DCAF10: variants seen among roughly 807,000 people sequenced by gnomAD.
DCAF10 encodes the protein DDB1 and CUL4 associated factor 10.
DCAF10 carries 19 observed loss-of-function variants against 51.9 expected under a neutral mutation model. That is an observed-to-expected ratio of 0.37 (90% CI 0.26 to 0.54). The LOEUF (loss-of-function observed/expected upper bound fraction) is 0.54, where lower values mean the gene tolerates loss of function less well. DCAF10 is among the 20% of genes least tolerant of loss of function. The pLI, the probability that DCAF10 is intolerant of heterozygous loss-of-function variation, is 0.87. For synonymous variants in DCAF10, 291 were observed against 297.1 expected (o/e 0.98, Z 0.21); for missense variants, 510 against 730.6 (o/e 0.70, Z 3.48).
Position 37,863,895 on chromosome 9 carries a change from T to C in DCAF10, c.*2387T>C, listed in dbSNP as rs1831078981. On this transcript the variant is annotated 3_prime_UTR_variant, in exon 7 of 7. Transcript: ENST00000377724. ...TGAAATTAGATCATTTTACCATGGA[T>C]GTTAACAAAATTGGAAATTTTTTGT... 1 of 152,218 alleles carries C rather than the reference T, an allele frequency of 6.6e-6. No individual in the cohort carries two copies. The allele number at this position is 152,218 out of a possible 1,614,324, so 9.4% of individuals were successfully genotyped here.
At chr9:37,800,691 C>T (rs1828889645), upstream of DCAF10, 8 of 1,536,012 alleles carry the variant, frequency 5.2e-6, no homozygotes, top group Non-Finnish European at 7.0e-6. Context: ...CTGCGGCGCC[C>T]CAAACCCGGC....
At chr9:37,824,416 A>T (rs920272207) in intron 2 of DCAF10, among the ~76,000 whole-genome samples, 2 of 152,208 alleles carry the variant, frequency 1.3e-5, no homozygotes, top group Non-Finnish European at 2.9e-5. Flanking sequence ...TGTATAATTA[A>T]ATATATGTAA....
intron 1 of DCAF10, among the ~76,000 whole-genome samples, chr9:37,815,426 C>G (rs1171294795): frequency 6.6e-6 from 1 of 152,192 alleles, no homozygotes; most frequent in African/African-American, 2.4e-5. Flanking sequence ...AGGTGGATCA[C>G]CTGAGGTCAG....
intron 1 of DCAF10, among the ~76,000 whole-genome samples, chr9:37,815,631 G>A (rs1327538749): frequency 6.6e-6 from 1 of 150,476 alleles, no homozygotes; most frequent in Non-Finnish European, 1.5e-5. Context: ...GGCAACAAGC[G>A]CAAAACTCTG....
intron 1 of DCAF10, among the ~76,000 whole-genome samples, chr9:37,809,557 G>A (rs879687388): frequency 1.3e-5 from 2 of 152,212 alleles, no homozygotes; most frequent in African/African-American, 2.4e-5. Context: ...GACATAGGTC[G>A]GCACAGTGGC....
intron 2 of DCAF10, among the ~76,000 whole-genome samples, chr9:37,837,845 CAAAA>C: frequency 7.5e-6 from 1 of 133,674 alleles, no homozygotes; most frequent in Non-Finnish European, 1.6e-5. Context: ...GCTTGTGTGT[CAAAA>C]AAAAAAAAAA....
intron 2 of DCAF10, among the ~76,000 whole-genome samples, chr9:37,825,759 C>T (rs1188926214): frequency 6.6e-6 from 1 of 152,190 alleles, no homozygotes; most frequent in Non-Finnish European, 1.5e-5. Flanking sequence ...TGGCTTATGC[C>T]TGTAATCCCA....
Position 37,854,785 on chromosome 9 carries a change from C to T in DCAF10, c.857C>T (p.Thr286Ile). The T allele has an allele frequency of 6.2e-7, 1 of 1,613,572 alleles. No individual in the cohort carries two copies. Among genetic ancestry groups the T allele is most frequent in the South Asian group, 1.1e-5 (1 of 90,958 alleles). ...TGGCTTGGTTTCTCCTGTAGGTATACAGAAGATGGGTGTCCACATAAGAAA... is the reference window on the plus strand; with the variant it reads ...TGGCTTGGTTTCTCCTGTAGGTATATAGAAGATGGGTGTCCACATAAGAAA... ...NVIIWDTNRYTEDGCPHKKFF... is the reference protein window; with the variant it reads ...NVIIWDTNRYIEDGCPHKKFF... The change falls in exon 4 of 7, where the codon ACA becomes ATA. Residue 286 changes from threonine (T) to isoleucine (I), a missense_variant. Physicochemically the swap from Thr to Ile is moderately conservative, Grantham distance 89. Around this residue, in one of 4 missense-constraint regions of DCAF10, gnomAD observed 126 missense variants for 271.5 expected, o/e 0.46. Coordinates refer to ENST00000377724, the MANE Select transcript of DCAF10 (RefSeq NM_024345.5).
chr9:37,842,060 A>T, intron 2 of DCAF10, 29 bp from the exon 3 acceptor site: 1 of 1,592,500 alleles, frequency 6.3e-7, no homozygotes, highest in Non-Finnish European at 8.5e-7. Context: ...GATTAAATGA[A>T]CCAGGGTTTT....
intron 1 of DCAF10, among the ~76,000 whole-genome samples, chr9:37,813,736 A>G (rs1230677306): frequency 9.2e-5 from 14 of 152,200 alleles, no homozygotes; most frequent in Non-Finnish European, 1.9e-4. Context: ...TTTTCAATGA[A>G]AGTTCAGGAA....
chr9:37,811,613 T>G (rs1242239128), intron 1 of DCAF10, among the ~76,000 whole-genome samples: 1 of 152,078 alleles, frequency 6.6e-6, no homozygotes, highest in Non-Finnish European at 1.5e-5. Flanking sequence ...ACTGGATGAT[T>G]TAACAGCAAA....
chr9:37,807,025 G>T (rs571287949), intron 1 of DCAF10, among the ~76,000 whole-genome samples: 1 of 152,140 alleles, frequency 6.6e-6, no homozygotes, highest in African/African-American at 2.4e-5. Context: ...AATTATTTTT[G>T]TGACTTAGTT....
intron 1 of DCAF10, among the ~76,000 whole-genome samples, chr9:37,804,132 AAACT>A (rs1829040012): frequency 6.6e-6 from 1 of 152,062 alleles, no homozygotes; most frequent in South Asian, 2.1e-4. Flanking sequence ...AGAAGCAAAG[AAACT>A]AACTAGAATA....
intron 1 of DCAF10, among the ~76,000 whole-genome samples, chr9:37,805,641 G>A (rs1333677597): frequency 1.3e-5 from 2 of 151,206 alleles, no homozygotes; most frequent in Admixed American, 6.6e-5. Context: ...ACAAGAAAAA[G>A]TACAGAATGA....
chr9:37,800,883 C>A lies in DCAF10; in HGVS notation c.17C>A (p.Pro6His). ...GCGTTGATCATGTTTCCCTTTGGGC[C>A]CCATAGCCCTGGAGGGGACGGATCG... The part of the protein sequence containing the change: MFPFG[P>H]HSPGGDGSAG... The change falls in exon 1 of 7, where the codon CCC becomes CAC. Residue 6 changes from proline (P) to histidine (H), a missense_variant. Pro to His is a moderately conservative substitution (Grantham distance 77, BLOSUM62 -2). Transcript: ENST00000377724. 6.7e-7 allele frequency: 1 copy of A among 1,496,610 alleles called. No individual in the cohort carries two copies. The highest frequency in any genetic ancestry group is 8.8e-7 in the Non-Finnish European group (1 of 1,130,008). 92.7% of individuals were successfully genotyped at this position (1,496,610 alleles called of 1,614,324 possible). A position where few individuals can be genotyped will look rare whatever the true frequency, so the allele number is the denominator to read the frequency against.
In DCAF10 at chr9:37,801,484, C is replaced by G; in HGVS notation, c.539+79C>G. ...AGCGGACGGCCGTCCTGGGCTCGCT[C>G]CCCGCGCCCGGGCCGAGGTTAGCGA... On this transcript the variant is annotated intron_variant, in intron 1 of 6. Coordinates refer to ENST00000377724, the MANE Select transcript of DCAF10 (RefSeq NM_024345.5). This position sits in a 1 kb window ranked among gnomAD's most constrained non-coding sequence, Gnocchi z 5.5. 1 of 1,337,748 alleles carries G rather than the reference C, an allele frequency of 7.5e-7. No homozygotes were observed. Among genetic ancestry groups the G allele is most frequent in the Non-Finnish European group, 9.6e-7 (1 of 1,043,210 alleles). 82.9% of individuals were successfully genotyped at this position (1,337,748 alleles called of 1,614,324 possible). A position where few individuals can be genotyped will look rare whatever the true frequency, so the allele number is the denominator to read the frequency against.
At chr9:37,826,691 T>C (rs753556984) in intron 2 of DCAF10, among the ~76,000 whole-genome samples, 3 of 152,082 alleles carry the variant, frequency 2.0e-5, no homozygotes, top group Non-Finnish European at 2.9e-5. Context: ...CCAGATTAGA[T>C]AATGCCTGTG....
intron 1 of DCAF10, among the ~76,000 whole-genome samples, chr9:37,807,106 A>G (rs1829137610): frequency 6.6e-6 from 1 of 152,214 alleles, no homozygotes; most frequent in Admixed American, 6.5e-5. Context: ...AAAACATTTT[A>G]AAATATACTT....
chr9:37,807,263 C>T (rs1829140961), intron 1 of DCAF10, among the ~76,000 whole-genome samples: 1 of 152,116 alleles, frequency 6.6e-6, no homozygotes, highest in Admixed American at 6.6e-5. Context: ...TGGAGGATTG[C>T]TTGAGCTCGA....
Sources: allele counts gnomAD v4.1 joint callset (sites outside exome capture counted in the v4.1 genomes callset), GRCh38; gene constraint gnomAD v4.1.1; regional missense constraint gnomAD v4.1.1; non-coding constraint Gnocchi (gnomAD v3.1); transcripts MANE v1.5; gene names NCBI Gene and HGNC (gene_info 2026-07-23, HGNC 2026-07-21).